The following EFCAB8 variants were observed in gnomAD, a reference collection of about 807,000 sequenced individuals.
EFCAB8 encodes EF-hand calcium-binding domain-containing protein 8.
A neutral mutation model predicts 116.3 loss-of-function variants in EFCAB8; 100 were observed. That is an observed-to-expected ratio of 0.86 (90% CI 0.73 to 1.02). The LOEUF is 1.02. Among genes scored for constraint, EFCAB8 ranks in the 50% least tolerant of loss-of-function variants. The pLI is 0.00. For synonymous variants in EFCAB8, 558 were observed against 567.9 expected (o/e 0.98, Z 0.25); for missense variants, 1,320 against 1,416.9 (o/e 0.93, Z 1.10).
At chr20:32,860,256 T>C (rs1186390772) in intron 1 of EFCAB8, among the ~76,000 whole-genome samples, 1 of 151,850 alleles carries the variant, frequency 6.6e-6, no homozygotes, top group East Asian at 1.9e-4. Context: ...TGCGGTGAGC[T>C]GAGATTGAGC....
intron 20 of EFCAB8, among the ~76,000 whole-genome samples, chr20:32,928,590 T>C (rs1394357147): frequency 6.6e-6 from 1 of 152,064 alleles, no homozygotes; most frequent in Non-Finnish European, 1.5e-5. Context: ...CTGAATTCAT[T>C]TGTTAGCCCC....
At chr20:32,952,600 T>A (rs1988835244) in intron 23 of EFCAB8, among the ~76,000 whole-genome samples, 1 of 152,210 alleles carries the variant, frequency 6.6e-6, no homozygotes, top group Non-Finnish European at 1.5e-5. Flanking sequence ...TATTTTGTTG[T>A]TTTTAAGAAA....
At chr20:32,937,171 G>A (rs768346341) in intron 22 of EFCAB8, among the ~76,000 whole-genome samples, 1 of 151,512 alleles carries the variant, frequency 6.6e-6, no homozygotes, top group Non-Finnish European at 1.5e-5. Context: ...GTAGAGACAG[G>A]GTTTCTCCAT....
rs867828128 is a variant in EFCAB8, at chr20:32,955,842, C to T, written c.2960-2579C>T. On this transcript the variant is annotated intron_variant, in intron 23 of 26. Transcript: ENST00000400522. ...CTGTTTCTCTATTTTTTGTTAAAAA[C>T]GACCCTTTCAGCCCATCTCTGTTCT... Among the ~76,000 whole-genome samples, 9 of 152,268 alleles carry T rather than the reference C, an allele frequency of 5.9e-5. No individual in the cohort carries two copies. In the East Asian group the frequency reaches 1.4e-3, roughly 23 times the overall value.
rs573948076 is a variant in EFCAB8, at chr20:32,888,347, T to C, written c.568-954T>C. Among the ~76,000 whole-genome samples the C allele has an allele frequency of 2.6e-5, 4 of 152,248 alleles. No homozygotes were observed. In the South Asian group the frequency reaches 8.3e-4, roughly 32 times the overall value. On this transcript the variant is annotated intron_variant, in intron 6 of 26. Transcript: ENST00000400522. ...TTCAGGTGATTCTTCTGCCTCAGCC[T>C]CCCGAGTAGCTGGAATTACAGGTGA...
intron 6 of EFCAB8, among the ~76,000 whole-genome samples, chr20:32,886,608 G>A (rs970721542): frequency 3.3e-5 from 5 of 152,056 alleles, no homozygotes; most frequent in Non-Finnish European, 7.4e-5. Context: ...GGGGAGTCAC[G>A]ATCACCATCC....
intron 22 of EFCAB8, among the ~76,000 whole-genome samples, chr20:32,937,644 A>G (rs570768591): frequency 2.0e-5 from 3 of 152,234 alleles, no homozygotes; most frequent in African/African-American, 7.2e-5. Context: ...GTTGAGACAG[A>G]GTCTCACTCT....
chr20:32,958,311 G>C (rs1215981744), intron 23 of EFCAB8, 110 bp from the exon 24 acceptor site: 3 of 405,106 alleles, frequency 7.4e-6, no homozygotes, highest in Non-Finnish European at 1.4e-5. Flanking sequence ...GAGTGTGGGG[G>C]CTGAGGATAG....
intron 11 of EFCAB8, among the ~76,000 whole-genome samples, chr20:32,905,187 C>T (rs1331986673): frequency 6.6e-6 from 1 of 152,180 alleles, no homozygotes; most frequent in African/African-American, 2.4e-5. Flanking sequence ...TGAATCCTGA[C>T]CCCTGTGCGG....
intron 11 of EFCAB8, 66 bp downstream of exon 11, chr20:32,898,689 A>G (rs543191304): frequency 2.0e-5 from 14 of 695,320 alleles, no homozygotes; most frequent in African/African-American, 8.8e-5. Flanking sequence ...TGAGTGGACC[A>G]TGGGGGCTGA....
intron 13 of EFCAB8, among the ~76,000 whole-genome samples, chr20:32,907,919 A>T (rs1203378739): frequency 6.6e-6 from 1 of 152,078 alleles, no homozygotes; most frequent in Non-Finnish European, 1.5e-5. Context: ...CCACTACCGG[A>T]CTGTGTCCCA....
At chr20:32,864,605 CAT>C (rs1984294833) in intron 2 of EFCAB8, among the ~76,000 whole-genome samples, 1 of 152,026 alleles carries the variant, frequency 6.6e-6, no homozygotes, top group Non-Finnish European at 1.5e-5. Flanking sequence ...AAAAAAGCTA[CAT>C]GAGTCAAATG....
intron 4 of EFCAB8, 31 bp from the exon 5 acceptor site, chr20:32,878,673 C>T (rs1985137165): frequency 1.3e-6 from 2 of 1,534,042 alleles, no homozygotes; most frequent in African/African-American, 1.4e-5. Context: ...TTGCCAATAC[C>T]CTGCCTCCCT....
chr20:32,938,957 TTCC>T (rs1261113145), intron 22 of EFCAB8, among the ~76,000 whole-genome samples: 1 of 145,392 alleles, frequency 6.9e-6, no homozygotes, highest in Non-Finnish European at 1.5e-5. Flanking sequence ...CCTTCCTTCC[TTCC>T]TTTCTTTTTC....
At chr20:32,889,238 T>A in intron 6 of EFCAB8, 63 bp from the exon 7 acceptor site, 2 of 1,431,928 alleles carry the variant, frequency 1.4e-6, no homozygotes, top group Non-Finnish European at 1.9e-6. Flanking sequence ...GAGAGGTTCA[T>A]GGGGAGCTGC....
intron 22 of EFCAB8, among the ~76,000 whole-genome samples, chr20:32,931,782 G>A (rs910732089): frequency 6.6e-6 from 1 of 151,944 alleles, no homozygotes; most frequent in Non-Finnish European, 1.5e-5. Context: ...GTTAGTATTC[G>A]TAATAATGCC....
intron 2 of EFCAB8, among the ~76,000 whole-genome samples, chr20:32,865,119 A>G (rs17123731): frequency 0.029 from 4,444 of 152,256 alleles, 184 homozygotes; most frequent in African/African-American, 0.093. Flanking sequence ...TGCTGCCCAC[A>G]TGTATGGACA....
chr20:32,899,280 C>T (rs1986314706), intron 11 of EFCAB8, among the ~76,000 whole-genome samples: 1 of 150,844 alleles, frequency 6.6e-6, no homozygotes, highest in Non-Finnish European at 1.5e-5. Context: ...TGGTAAGCAC[C>T]TGTAGTCCCA....
chr20:32,906,068 G>A (rs553064712), intron 11 of EFCAB8, among the ~76,000 whole-genome samples: 12 of 152,140 alleles, frequency 7.9e-5, no homozygotes, highest in Non-Finnish European at 1.5e-4. Context: ...TCCAGATGAT[G>A]CAGGAGACAG....
Sources: gnomAD v4.1 joint callset for allele counts (sites outside exome capture counted in the v4.1 genomes callset) on GRCh38, gnomAD v4.1.1 for gene constraint, MANE v1.5 for transcripts, NCBI Gene and HGNC (gene_info 2026-07-23, HGNC 2026-07-21) for gene names.